Variants in GFRA1 observed in about 807,000 individuals in gnomAD.
The protein encoded by GFRA1 is GDNF family receptor alpha-1.
Under a neutral mutation model 51.6 loss-of-function variants are expected in GFRA1, and 16 were observed. That is an observed-to-expected ratio of 0.31 (90% confidence interval 0.21 to 0.47). The LOEUF is 0.47. Ranked by LOEUF, GFRA1 falls within the 20% of genes least tolerant of loss-of-function variation. GFRA1 has a pLI of 1.00. For missense variants in GFRA1, 530 were observed against 594.3 expected, an observed-to-expected ratio of 0.89 and a Z score of 1.13; for synonymous variants, 270 against 241.3, an observed-to-expected ratio of 1.12 and a Z score of -1.10.
chr10:116,069,122 C>T (rs1385407643), intron 9 of GFRA1, among the ~76,000 whole-genome samples: 1 of 152,158 alleles, frequency 6.6e-6, no homozygotes, highest in East Asian at 1.9e-4. Flanking sequence ...AGAGCTCAGC[C>T]AGCCGGTACC....
chr10:116,104,841 A>C (rs567280341), intron 6 of GFRA1, among the ~76,000 whole-genome samples: 1 of 152,226 alleles, frequency 6.6e-6, no homozygotes, highest in Admixed American at 6.5e-5. Context: ...ATCCATTCCA[A>C]CTTGCAAGGG....
intron 4 of GFRA1, among the ~76,000 whole-genome samples, chr10:116,213,819 T>G (rs1248735008): frequency 6.6e-6 from 1 of 152,074 alleles, no homozygotes; most frequent in Admixed American, 6.5e-5. Flanking sequence ...AAGGGCACAC[T>G]GAGGCCAGTG....
At chr10:116,259,494 GGT>G (rs1471934044) in intron 4 of GFRA1, among the ~76,000 whole-genome samples, 1 of 152,150 alleles carries the variant, frequency 6.6e-6, no homozygotes, top group Non-Finnish European at 1.5e-5. Context: ...CTGCAGGAAT[GGT>G]TTTAATAGTA....
chr10:116,178,302 G>GC (rs1463277946), intron 5 of GFRA1, among the ~76,000 whole-genome samples: 1 of 151,840 alleles, frequency 6.6e-6, no homozygotes, highest in Non-Finnish European at 1.5e-5. Flanking sequence ...AAGGGGCCGG[G>GC]GGGGCGTTTT....
At chr10:116,202,201 A>T (rs1964389941) in intron 5 of GFRA1, among the ~76,000 whole-genome samples, 1 of 152,188 alleles carries the variant, frequency 6.6e-6, no homozygotes, top group Non-Finnish European at 1.5e-5. Context: ...TAGACAGATC[A>T]TTCTGACAGT....
chr10:116,233,256 A>G (rs1166225170), intron 4 of GFRA1, among the ~76,000 whole-genome samples: 1 of 152,074 alleles, frequency 6.6e-6, no homozygotes, highest in Non-Finnish European at 1.5e-5. Flanking sequence ...TGAACCTGGG[A>G]GGCAGATGTT....
At chr10:116,166,767 T>C (rs940134222) in intron 5 of GFRA1, among the ~76,000 whole-genome samples, 3 of 141,128 alleles carry the variant, frequency 2.1e-5, no homozygotes, top group Admixed American at 1.5e-4. Flanking sequence ...CCTTGAAGGA[T>C]AGCAACAATC....
At chr10:116,117,861 T>C (rs1957491609) in intron 6 of GFRA1, among the ~76,000 whole-genome samples, 1 of 152,144 alleles carries the variant, frequency 6.6e-6, no homozygotes, top group South Asian at 2.1e-4. Context: ...CTCTGAGTGA[T>C]TGACACCAAT....
At chr10:116,204,453 T>C (rs1964573028) in intron 5 of GFRA1, among the ~76,000 whole-genome samples, 2 of 152,240 alleles carry the variant, frequency 1.3e-5, no homozygotes, top group Non-Finnish European at 2.9e-5. Context: ...ACCCAGATCT[T>C]GGTTTCTTGT....
chr10:116,238,004 C>G lies in GFRA1; in HGVS notation c.419-26359G>C, dbSNP rs186957870. ...TTTCTTGGGGGCTTGCAGCACAGCT[C>G]TTCCTCGACCAAGCAGACTCTGAAA... On this transcript the variant is annotated intron_variant, in intron 4 of 10. Transcript: ENST00000355422. 1.7e-3 allele frequency among the ~76,000 whole-genome samples: 261 copies of G among 152,286 alleles called. 1 individual carries two copies. Among genetic ancestry groups the G allele is most frequent in the African/African-American group, 6.0e-3 (251 of 41,566 alleles).
rs753551884 is a variant in GFRA1 at position 116,271,013 on chromosome 10, G to C, written c.143C>G (p.Thr48Arg). The change falls in exon 3 of 11, where the codon ACG (threonine) becomes AGG (arginine). Residue 48 changes from threonine to arginine, a missense_variant. By Grantham distance (71) the Thr-to-Arg change is moderately conservative (BLOSUM62 -1). Coordinates refer to ENST00000355422, the MANE Select transcript of GFRA1 (RefSeq NM_005264.8). ...CTTGCCCGCCACGCACTGCCTTAGC[G>C]TGCGGTACTTGGTGCTGCAGCTCTG... is the stretch of plus-strand genomic sequence containing the variant. ...KEQSCSTKYR[T>R]LRQCVAGKET... The C allele has an allele frequency of 6.2e-7, 1 of 1,614,104 alleles. No homozygotes were observed. The highest frequency in any genetic ancestry group is 8.5e-7 in the Non-Finnish European group (1 of 1,180,030).
At chr10:116,071,118 T>C (rs533253884) in intron 9 of GFRA1, among the ~76,000 whole-genome samples, 33 of 152,308 alleles carry the variant, frequency 2.2e-4, no homozygotes, top group African/African-American at 6.7e-4. Context: ...CCACGGACCC[T>C]GGCCCAGGCC....
At chr10:116,157,595 T>C (rs1224300684) in intron 5 of GFRA1, among the ~76,000 whole-genome samples, 1 of 152,190 alleles carries the variant, frequency 6.6e-6, no homozygotes, top group Non-Finnish European at 1.5e-5. Context: ...CTATTCATCC[T>C]TGAAGAAAGA....
intron 5 of GFRA1, among the ~76,000 whole-genome samples, chr10:116,178,373 C>T (rs1036071943): frequency 6.6e-6 from 1 of 152,020 alleles, no homozygotes; most frequent in East Asian, 1.9e-4. Flanking sequence ...TCATTAACTA[C>T]GTCTTGAGTT....
intron 5 of GFRA1, among the ~76,000 whole-genome samples, chr10:116,147,839 C>T (rs148459684): frequency 0.01 from 1,596 of 152,166 alleles, 36 homozygotes; most frequent in African/African-American, 0.037. Context: ...ACCTCACGCA[C>T]GCTCCTCCCC....
chr10:116,093,781 C>T lies in GFRA1; in HGVS notation c.936G>A (p.Trp312Ter), dbSNP rs764537841. The change falls in exon 8 of 11, where the codon TGG becomes TGA. Residue 312 changes from tryptophan (W) to a stop codon, truncating the protein, a stop_gained. Transcript: ENST00000355422. LOFTEE classifies it high-confidence loss of function. ...CGTTCCCACTGTTGCTGCAGTCACA[C>T]CATGGGGCCACACTGAGGCTACTGG... is the stretch of plus-strand genomic sequence containing the variant. ...IDSSSLSVAP[W>*]CDCSNSGNDL... The T allele has an allele frequency of 6.2e-7, 1 of 1,613,830 alleles. No individual in the cohort carries two copies. Among genetic ancestry groups the T allele is most frequent in the Non-Finnish European group, 8.5e-7 (1 of 1,179,712 alleles).
chr10:116,115,021 A>G (rs2133981201), intron 6 of GFRA1, among the ~76,000 whole-genome samples: 1 of 152,302 alleles, frequency 6.6e-6, no homozygotes, highest in Non-Finnish European at 1.5e-5. Flanking sequence ...AAACGCTTAC[A>G]CTGACAACTA....
At position 116,111,039 on chromosome 10, in the gene GFRA1, A is replaced by G. The variant is rs889602872; in HGVS notation, c.770+14182T>C. On this transcript the variant is annotated intron_variant, in intron 6 of 10. Coordinates refer to ENST00000355422, the MANE Select transcript of GFRA1 (RefSeq NM_005264.8). ...CAGGCACTGAGGATAGACCCTGTCCATCCCACGTTCCCTCCTGACAACCAA... is the reference window on the plus strand; with the variant it reads ...CAGGCACTGAGGATAGACCCTGTCCGTCCCACGTTCCCTCCTGACAACCAA... Among the ~76,000 whole-genome samples the G allele has an allele frequency of 6.6e-5, 10 of 152,322 alleles. No homozygotes were observed. In the South Asian group the frequency reaches 1.0e-3, roughly 16 times the overall value.
intron 5 of GFRA1, among the ~76,000 whole-genome samples, chr10:116,141,597 G>A (rs1272469726): frequency 6.6e-6 from 1 of 151,832 alleles, no homozygotes; most frequent in Non-Finnish European, 1.5e-5. Context: ...GGGGGTGGTG[G>A]GCGGGGAGCA....
Sources: allele counts gnomAD v4.1 joint callset (sites outside exome capture counted in the v4.1 genomes callset), GRCh38; gene constraint gnomAD v4.1.1; transcripts MANE v1.5; gene names NCBI Gene and HGNC (gene_info 2026-07-23, HGNC 2026-07-21).